The following SYT1 variants were observed in gnomAD, a reference collection of about 807,000 sequenced individuals.
SYT1 encodes synaptotagmin-1.
A neutral mutation model predicts 44.8 loss-of-function variants in SYT1; 8 were observed. That is an observed-to-expected ratio of 0.18 (90% CI 0.10 to 0.32). The LOEUF is 0.32. Among genes scored for constraint, SYT1 ranks in the 10% least tolerant of loss-of-function variants. The pLI is 1.00. For synonymous variants in SYT1, 154 were observed against 188.8 expected (o/e 0.82, Z 1.51); for missense variants, 286 against 509.3 (o/e 0.56, Z 4.22).
intron 10 of SYT1, among the ~76,000 whole-genome samples, chr12:79,446,923 TA>T (rs796386282): frequency 6.2e-4 from 94 of 152,214 alleles, no homozygotes; most frequent in African/African-American, 2.1e-3. Flanking sequence ...TTCCACAAAA[TA>T]AATATAAAGC....
Position 78,969,593 on chromosome 12 carries a change from T to G in SYT1, c.-216-8206T>G, listed in dbSNP as rs553333778. On this transcript the variant is annotated intron_variant, in intron 1 of 10. Transcript: ENST00000261205. Reference sequence around the variant, plus strand: ...AGGATAGGAATAAGTCAACTTGGGATTGGAAGGAGTAGCTTGGATTGGAAG... The same window carrying G: ...AGGATAGGAATAAGTCAACTTGGGAGTGGAAGGAGTAGCTTGGATTGGAAG... Among the ~76,000 whole-genome samples the G allele has an allele frequency of 2.0e-5, 3 of 152,250 alleles. No individual in the cohort carries two copies. In the South Asian group the frequency reaches 6.2e-4, roughly 32 times the overall value.
At chr12:79,033,841 T>TA (rs1305166769) in intron 2 of SYT1, among the ~76,000 whole-genome samples, 12 of 151,492 alleles carry the variant, frequency 7.9e-5, no homozygotes, top group African/African-American at 2.9e-4. Context: ...TAACATATCT[T>TA]ACCCATCTCT....
At chr12:79,365,119 A>G (rs1464543878) in intron 9 of SYT1, among the ~76,000 whole-genome samples, 1 of 152,134 alleles carries the variant, frequency 6.6e-6, no homozygotes, top group Admixed American at 6.5e-5. Context: ...AATTGACTCA[A>G]GGAAATAATT....
At chr12:79,336,078 G>A (rs1882077962) in intron 8 of SYT1, among the ~76,000 whole-genome samples, 1 of 152,188 alleles carries the variant, frequency 6.6e-6, no homozygotes, top group African/African-American at 2.4e-5. Flanking sequence ...GAAATCACCA[G>A]TGCCTACTGC....
In SYT1 at chr12:79,304,651, A is replaced by G. The variant is rs572056436; in HGVS notation, c.810+5100A>G. ...TTATTTAAATGTAAGACTGAAAGCT[A>G]TGGTGTAAGTCTCTGCCTACATCAT... On this transcript the variant is annotated intron_variant, in intron 8 of 10. Transcript: ENST00000261205. Among the ~76,000 whole-genome samples, 4 of 152,294 alleles carry G rather than the reference A, an allele frequency of 2.6e-5. No individual in the cohort carries two copies. The East Asian group carries it at 7.7e-4, about 29-fold the overall frequency.
At chr12:79,141,197 C>T (rs1463980641) in intron 3 of SYT1, among the ~76,000 whole-genome samples, 1 of 152,194 alleles carries the variant, frequency 6.6e-6, no homozygotes, top group Non-Finnish European at 1.5e-5. Context: ...TCGTCTCCTT[C>T]ACCCTACCAG....
chr12:79,361,440 G>A (rs1406275517), intron 9 of SYT1, among the ~76,000 whole-genome samples: 1 of 152,148 alleles, frequency 6.6e-6, no homozygotes, highest in Non-Finnish European at 1.5e-5. Context: ...TCAACCTGGA[G>A]AACAGGTGGA....
rs374754932 is a variant in SYT1 at position 79,175,158 on chromosome 12, G to A, written c.-17-42345G>A. 5.9e-5 allele frequency among the ~76,000 whole-genome samples: 9 copies of A among 152,028 alleles called. 1 individual carries two copies. Among genetic ancestry groups the A allele is most frequent in the East Asian group, 3.9e-4 (2 of 5,138 alleles). ...TCCTCTATCAAAATTAATGCAATAA[G>A]GAACCATGAAATAATGGGACTTACA... On this transcript the variant is annotated intron_variant, in intron 3 of 10. Transcript: ENST00000261205.
intron 1 of SYT1, among the ~76,000 whole-genome samples, chr12:78,947,522 T>TG (rs373661412): frequency 7.0e-6 from 1 of 142,592 alleles, no homozygotes; most frequent in Non-Finnish European, 1.5e-5. Context: ...TTGAATCTAG[T>TG]AAAAAAAAAA....
intron 1 of SYT1, among the ~76,000 whole-genome samples, chr12:78,937,809 T>G (rs1266661215): frequency 6.6e-6 from 1 of 152,192 alleles, no homozygotes; most frequent in Non-Finnish European, 1.5e-5. Flanking sequence ...AATTTGCTCA[T>G]AAAAATGTCA....
At chr12:79,091,941 C>T (rs1020373849) in intron 3 of SYT1, among the ~76,000 whole-genome samples, 1 of 151,926 alleles carries the variant, frequency 6.6e-6, no homozygotes, top group African/African-American at 2.4e-5. Flanking sequence ...ATCATATAAG[C>T]TCATTTTCAA....
At chr12:79,056,280 A>C (rs528716748) in intron 3 of SYT1, among the ~76,000 whole-genome samples, 2 of 152,200 alleles carry the variant, frequency 1.3e-5, no homozygotes, top group South Asian at 4.1e-4. Context: ...GTCTGGTTGG[A>C]AATCTTTAAC....
chr12:78,929,156 C>A (rs1310364877), intron 1 of SYT1, among the ~76,000 whole-genome samples: 1 of 151,544 alleles, frequency 6.6e-6, no homozygotes, highest in Admixed American at 6.6e-5. Context: ...AATCTCAACA[C>A]TTTGGGAGGC....
At chr12:79,070,825 C>T (rs1373829191) in intron 3 of SYT1, among the ~76,000 whole-genome samples, 1 of 151,998 alleles carries the variant, frequency 6.6e-6, no homozygotes, top group Non-Finnish European at 1.5e-5. Flanking sequence ...CAATATCATG[C>T]AGTATACTTT....
intron 9 of SYT1, among the ~76,000 whole-genome samples, chr12:79,409,930 T>C (rs951984877): frequency 3.3e-5 from 5 of 152,122 alleles, no homozygotes; most frequent in African/African-American, 1.2e-4. Context: ...TTTTTTTTCC[T>C]TTTCTTACTC....
chr12:79,416,639 T>A (rs1868758737), intron 9 of SYT1, among the ~76,000 whole-genome samples: 1 of 152,152 alleles, frequency 6.6e-6, no homozygotes, highest in South Asian at 2.1e-4. Flanking sequence ...TCATACATAA[T>A]TTGTATTGTT....
chr12:79,144,646 A>G (rs1195382017), intron 3 of SYT1, among the ~76,000 whole-genome samples: 2 of 152,210 alleles, frequency 1.3e-5, no homozygotes, highest in Non-Finnish European at 2.9e-5. Flanking sequence ...ACCCGACACT[A>G]GGAAGACCAG....
chr12:79,349,001 A>AAG (rs1332863040), intron 8 of SYT1, among the ~76,000 whole-genome samples: 1 of 19,182 alleles, frequency 5.2e-5, no homozygotes, highest in Non-Finnish European at 1.0e-4. Context: ...GAGAGAAGGA[A>AAG]AGAAAGAAAG....
chr12:79,180,775 C>T (rs145371435), intron 3 of SYT1, among the ~76,000 whole-genome samples: 1 of 152,134 alleles, frequency 6.6e-6, no homozygotes, highest in African/African-American at 2.4e-5. Context: ...ATGATCCAAT[C>T]ACCTCCCAGC....
Sources: gnomAD v4.1 joint callset for allele counts (sites outside exome capture counted in the v4.1 genomes callset) on GRCh38, gnomAD v4.1.1 for gene constraint, MANE v1.5 for transcripts, NCBI Gene and HGNC (gene_info 2026-07-23, HGNC 2026-07-21) for gene names.